Variants in TGFBR1 observed in about 807,000 individuals in gnomAD.
TGFBR1 encodes transforming growth factor beta receptor 1.
TGFBR1 carries 20 observed loss-of-function variants against 55.1 expected under a neutral mutation model. The ratio of observed to expected loss-of-function variants is 0.36; its 90% CI spans 0.26 to 0.53. TGFBR1 has a LOEUF of 0.53. TGFBR1 is among the 20% of genes least tolerant of loss of function. The pLI is 0.91. For synonymous variants in TGFBR1, 220 were observed against 214.8 expected (o/e 1.02, Z -0.21); for missense variants, 385 against 617.6 (o/e 0.62, Z 3.99).
intron 7 of TGFBR1, 24 bp from the exon 8 acceptor site, chr9:99,147,630 T>C (rs200432176): frequency 1.2e-6 from 2 of 1,609,356 alleles, no homozygotes; most frequent in East Asian, 2.2e-5. Context: ...TCATCAAAAT[T>C]TAATTTTTTT....
chr9:99,117,874 G>A (rs1826793697), intron 1 of TGFBR1, among the ~76,000 whole-genome samples: 1 of 152,184 alleles, frequency 6.6e-6, no homozygotes, highest in African/African-American at 2.4e-5. Flanking sequence ...ACCCTGTGGG[G>A]ATTCTGATTT....
At chr9:99,140,839 AAC>A (rs1382492723) in intron 4 of TGFBR1, among the ~76,000 whole-genome samples, 19 of 152,184 alleles carry the variant, frequency 1.2e-4, no homozygotes, top group African/African-American at 4.1e-4. Context: ...CCAAGTTACA[AAC>A]ACAGCAGCAC....
intron 1 of TGFBR1, among the ~76,000 whole-genome samples, chr9:99,110,792 T>A (rs1826543507): frequency 6.6e-6 from 1 of 152,242 alleles, no homozygotes; most frequent in African/African-American, 2.4e-5. Flanking sequence ...AAGACCCTCT[T>A]TGTTTCCATT....
chr9:99,127,386 C>T (rs1415416997), intron 1 of TGFBR1, among the ~76,000 whole-genome samples: 1 of 152,172 alleles, frequency 6.6e-6, no homozygotes. Flanking sequence ...CCTACCCGGC[C>T]CCCCAGCAGT....
rs1827940551 is a variant in TGFBR1 at position 99,150,194 on chromosome 9, C to T, written c.*889C>T. 5.3e-6 allele frequency: 1 copy of T among 189,596 alleles called. No individual in the cohort carries two copies. Among genetic ancestry groups the T allele is most frequent in the Non-Finnish European group, 1.1e-5 (1 of 90,056 alleles). The allele number at this position is 189,596 out of a possible 1,614,324, so 11.7% of individuals were successfully genotyped here. On this transcript the variant is annotated 3_prime_UTR_variant, in exon 9 of 9. Transcript: ENST00000374994. Reference sequence around the variant, plus strand: ...GTGGCATTAATTAGTAAATTATTAGCATGGTCATGTTTGAATATTCTCACA... The same window carrying T: ...GTGGCATTAATTAGTAAATTATTAGTATGGTCATGTTTGAATATTCTCACA...
In TGFBR1 at chr9:99,122,412, TTAGA is replaced by T. The variant is rs539496296; in HGVS notation, c.98-6438_98-6435del. On this transcript the variant is annotated intron_variant, in intron 1 of 8. Coordinates refer to ENST00000374994, the MANE Select transcript of TGFBR1 (RefSeq NM_004612.4). ...GAATTAACCCTGGGTAGCCCTGGCA[TTAGA>T]TAGAATTAATAGTGCTTCCATATGT... Among the ~76,000 whole-genome samples, 6 of 152,222 alleles carry T rather than the reference TTAGA, an allele frequency of 3.9e-5. No homozygotes were observed. In the South Asian group the frequency reaches 1.2e-3, roughly 32 times the overall value.
chr9:99,134,802 T>TTTTATA lies in TGFBR1; in HGVS notation c.574+2064_574+2065insTTATAT, dbSNP rs1554700023. ...AAACAATGGAATAATTCTGTTTCCATTATATATATATATATATATATATAT... is the reference window on the plus strand; with the variant it reads ...AAACAATGGAATAATTCTGTTTCCATTTTATATATATATATATATATATATATATAT... On this transcript the variant is annotated intron_variant, in intron 3 of 8. Transcript: ENST00000374994. Among the ~76,000 whole-genome samples, 335 of 41,362 alleles carry TTTTATA rather than the reference T, an allele frequency of 8.1e-3. 27 individuals are homozygous for TTTTATA. Among genetic ancestry groups the TTTTATA allele is most frequent in the East Asian group, 0.013 (13 of 1,040 alleles). The allele number at this position is 41,362 out of a possible 152,430, so 27.1% of individuals were successfully genotyped here. A position where few individuals can be genotyped will look rare whatever the true frequency, so the allele number is the denominator to read the frequency against.
In TGFBR1 at chr9:99,105,220, C is replaced by T. The variant is rs1165876259; in HGVS notation, c.15C>T (p.Val5=). Residue 5 remains valine, a synonymous_variant, in exon 1 of 9, where the codon GTC becomes GTT. Transcript: ENST00000374994. MEAA[V]AAPRPRLLLL... is the part of the protein sequence containing the mutation. ...GCGGCGGGACCATGGAGGCGGCGGTCGCTGCTCCGCGTCCCCGGCTGCTCC... is the reference window on the plus strand; with the variant it reads ...GCGGCGGGACCATGGAGGCGGCGGTTGCTGCTCCGCGTCCCCGGCTGCTCC... The T allele has an allele frequency of 4.6e-6, 5 of 1,076,564 alleles. No individual in the cohort carries two copies. Among genetic ancestry groups the T allele is most frequent in the African/African-American group, 1.7e-5 (1 of 58,616 alleles). 66.7% of individuals were successfully genotyped at this position (1,076,564 alleles called of 1,614,324 possible). A position where few individuals can be genotyped will look rare whatever the true frequency, so the allele number is the denominator to read the frequency against.
chr9:99,140,539 C>T (rs959911643), intron 4 of TGFBR1, among the ~76,000 whole-genome samples: 5 of 152,090 alleles, frequency 3.3e-5, no homozygotes, highest in Admixed American at 6.6e-5. Flanking sequence ...TTCGTTTCTG[C>T]CTTTATCACC....
At chr9:99,130,392 G>A (rs896313145) in intron 2 of TGFBR1, among the ~76,000 whole-genome samples, 7 of 152,146 alleles carry the variant, frequency 4.6e-5, no homozygotes, top group East Asian at 1.9e-4. Flanking sequence ...CTGCTGTAGC[G>A]CAGAAGGAAA....
At chr9:99,114,782 GA>G (rs1490841734) in intron 1 of TGFBR1, among the ~76,000 whole-genome samples, 1 of 152,192 alleles carries the variant, frequency 6.6e-6, no homozygotes, top group Non-Finnish European at 1.5e-5. Flanking sequence ...GTCTCCATTT[GA>G]TACACTTCAT....
chr9:99,104,856 C>T (rs1442967676), upstream of TGFBR1, among the ~76,000 whole-genome samples: 2 of 152,106 alleles, frequency 1.3e-5, no homozygotes, highest in African/African-American at 4.8e-5. Flanking sequence ...ACCCCGCCCC[C>T]ACGCGGCCTC....
chr9:99,144,594 A>G, intron 5 of TGFBR1, 138 bp from the exon 6 acceptor site: 6 of 877,186 alleles, frequency 6.8e-6, no homozygotes, highest in South Asian at 5.9e-5. Flanking sequence ...GAGTTTAATA[A>G]TGCCGTAAGT....
chr9:99,121,171 TA>T (rs1290950618), intron 1 of TGFBR1, among the ~76,000 whole-genome samples: 8 of 152,220 alleles, frequency 5.3e-5, no homozygotes, highest in Non-Finnish European at 7.4e-5. Context: ...TCTGATGCCC[TA>T]AATTCAGGGG....
intron 4 of TGFBR1, among the ~76,000 whole-genome samples, chr9:99,139,576 C>T (rs543420667): frequency 6.6e-6 from 1 of 152,280 alleles, no homozygotes; most frequent in African/African-American, 2.4e-5. Flanking sequence ...AAGCTGGTCC[C>T]AGACAATATG....
At position 99,105,132 on chromosome 9, in the gene TGFBR1, C is replaced by T. The variant is rs1826364547; in HGVS notation, c.-74C>T. ...CGCCGCGGCGGCTAGGGAGGTGGGGCGAGGCGAGGTTTGCTGGGGTGAGGC... is the reference window on the plus strand; with the variant it reads ...CGCCGCGGCGGCTAGGGAGGTGGGGTGAGGCGAGGTTTGCTGGGGTGAGGC... On this transcript the variant is annotated 5_prime_UTR_variant, in exon 1 of 9. Transcript: ENST00000374994. 9.5e-7 allele frequency: 1 copy of T among 1,052,088 alleles called. No homozygotes were observed. The highest frequency in any genetic ancestry group is 1.2e-6 in the Non-Finnish European group (1 of 867,080). 65.2% of individuals were successfully genotyped at this position (1,052,088 alleles called of 1,614,324 possible).
chr9:99,128,116 C>A, intron 1 of TGFBR1: 1 of 422,556 alleles, frequency 2.4e-6, no homozygotes. Context: ...CTAAAGAGGT[C>A]ACTCCTGGGG....
intron 3 of TGFBR1, 116 bp from the exon 4 acceptor site, chr9:99,137,743 T>A (rs765343500): frequency 2.7e-5 from 21 of 777,700 alleles, no homozygotes; most frequent in Non-Finnish European, 4.0e-5. Context: ...TGAGATAAAT[T>A]CCTAAAGGGA....
chr9:99,118,095 T>G (rs1826798736), intron 1 of TGFBR1, among the ~76,000 whole-genome samples: 1 of 152,200 alleles, frequency 6.6e-6, no homozygotes. Context: ...TTCCTAGTTT[T>G]TAGATTTTTA....
Sources: gnomAD v4.1 joint callset for allele counts (sites outside exome capture counted in the v4.1 genomes callset) on GRCh38, gnomAD v4.1.1 for gene constraint, MANE v1.5 for transcripts, NCBI Gene and HGNC (gene_info 2026-07-23, HGNC 2026-07-21) for gene names.